The following CENPC variants were observed in gnomAD, a reference collection of about 807,000 sequenced individuals.
The protein encoded by CENPC is centromere protein C.
Under a neutral mutation model 112.1 loss-of-function variants are expected in CENPC, and 63 were observed. The ratio of observed to expected loss-of-function variants is 0.56; its 90% CI spans 0.46 to 0.69. CENPC has a LOEUF of 0.69. Ranked by LOEUF, CENPC falls within the 30% of genes least tolerant of loss-of-function variation. The pLI, the probability that CENPC is intolerant of heterozygous loss-of-function variation, is 0.00. For synonymous variants in CENPC, 333 were observed against 367.6 expected (o/e 0.91, Z 1.08); for missense variants, 1,000 against 1,103.8 (o/e 0.91, Z 1.33).
At chr4:67,540,693 A>G (rs1035886159) in intron 3 of CENPC, among the ~76,000 whole-genome samples, 2 of 152,152 alleles carry the variant, frequency 1.3e-5, no homozygotes, top group African/African-American at 4.8e-5. Flanking sequence ...ATAATAAAAT[A>G]CTTTTTCTTG....
At chr4:67,477,365 A>T (rs941944002) in intron 17 of CENPC, among the ~76,000 whole-genome samples, 8 of 152,222 alleles carry the variant, frequency 5.3e-5, no homozygotes, top group Non-Finnish European at 1.0e-4. Flanking sequence ...CTGAAGACAG[A>T]TCATATCACA....
intron 5 of CENPC, among the ~76,000 whole-genome samples, chr4:67,525,154 T>C (rs1726338807): frequency 6.6e-6 from 1 of 152,150 alleles, no homozygotes; most frequent in Non-Finnish European, 1.5e-5. Context: ...ACCCCTTCCT[T>C]ACACCTTATA....
chr4:67,531,502 C>G (rs1279203309), intron 4 of CENPC, among the ~76,000 whole-genome samples: 2 of 152,144 alleles, frequency 1.3e-5, no homozygotes, highest in Non-Finnish European at 1.5e-5. Context: ...AAGGTTGCAC[C>G]TGCTGCGCCA....
intron 17 of CENPC, among the ~76,000 whole-genome samples, chr4:67,480,474 A>G (rs975082352): frequency 6.6e-6 from 1 of 152,212 alleles, no homozygotes; most frequent in African/African-American, 2.4e-5. Flanking sequence ...TAGAAACTCT[A>G]AATAGACCAA....
In CENPC at chr4:67,493,959, T is replaced by C; in HGVS notation, c.2215A>G (p.Arg739Gly). The change falls in exon 14 of 19, where the codon AGG (arginine) becomes GGG (glycine). Residue 739 changes from arginine (R) to glycine (G), a missense_variant. Coordinates refer to ENST00000273853, the MANE Select transcript of CENPC (RefSeq NM_001812.4). ...GGTTTCAAACGTGTTCTCTTGGTCC[T>C]GCGAACATTTGGTGTGTTGGAGGGC... is the stretch of plus-strand genomic sequence containing the variant. ...VLPSNTPNVRRTKRTRLKPLE... is the reference protein window; with the variant it reads ...VLPSNTPNVRGTKRTRLKPLE... 2 of 1,611,972 alleles carry C rather than the reference T, an allele frequency of 1.2e-6. No individual in the cohort carries two copies. Among genetic ancestry groups the C allele is most frequent in the Non-Finnish European group, 1.7e-6 (2 of 1,179,024 alleles).
intron 2 of CENPC, 26 bp from the exon 3 acceptor site, chr4:67,541,076 C>G: frequency 6.7e-7 from 1 of 1,492,414 alleles, no homozygotes; most frequent in Admixed American, 1.8e-5. Context: ...TACAGCCTGT[C>G]ATTTTCAGAA....
chr4:67,480,375 C>T (rs11737057), intron 17 of CENPC, among the ~76,000 whole-genome samples: 33,934 of 152,088 alleles, frequency 0.22, 4,369 homozygotes, highest in Middle Eastern at 0.36. Flanking sequence ...GGATTCACAG[C>T]TGAATTCTAT....
intron 4 of CENPC, among the ~76,000 whole-genome samples, chr4:67,537,436 G>C (rs1026763510): frequency 2.7e-4 from 41 of 151,914 alleles, no homozygotes; most frequent in African/African-American, 9.7e-4. Flanking sequence ...CAGGAGGATT[G>C]CTTGAGCCCA....
At chr4:67,513,998 A>C (rs1042036626) in intron 8 of CENPC, 76 bp downstream of exon 8, 1 of 1,386,460 alleles carries the variant, frequency 7.2e-7, no homozygotes, top group African/African-American at 1.4e-5. Flanking sequence ...CCTACTTGCC[A>C]AAGCTAAGTT....
intron 5 of CENPC, among the ~76,000 whole-genome samples, chr4:67,524,434 C>T (rs961315109): frequency 2.0e-5 from 3 of 152,078 alleles, no homozygotes; most frequent in African/African-American, 7.2e-5. Context: ...CTTAGAAAAC[C>T]CCATCGTTTC....
intron 12 of CENPC, among the ~76,000 whole-genome samples, chr4:67,496,214 T>A (rs991535436): frequency 7.9e-5 from 12 of 152,138 alleles, no homozygotes; most frequent in African/African-American, 2.9e-4. Flanking sequence ...TCCAGCTGGG[T>A]CCAAACATGT....
intron 16 of CENPC, among the ~76,000 whole-genome samples, chr4:67,491,502 G>T (rs1175538290): frequency 7.5e-6 from 1 of 133,680 alleles, no homozygotes; most frequent in African/African-American, 2.7e-5. Flanking sequence ...GAGAGAGAGA[G>T]AGAGAGAGAG....
Position 67,495,256 on chromosome 4 carries a change from T to C in CENPC, c.2132-44A>G, listed in dbSNP as rs958956630. 1.5e-5 allele frequency: 21 copies of C among 1,447,110 alleles called. No homozygotes were observed. In the Admixed American group the frequency reaches 1.9e-4, roughly 13 times the overall value. 89.6% of individuals were successfully genotyped at this position (1,447,110 alleles called of 1,614,324 possible). On this transcript the variant is annotated intron_variant, in intron 12 of 18. Transcript: ENST00000273853. ...AATATCATAAGAAATGACTGCTAAT[T>C]CCATGTTAAATTAAAATGTGTTTCC...
rs28438912 is a variant in CENPC at position 67,490,859 on chromosome 4, T to C, written c.2516-738A>G. On this transcript the variant is annotated intron_variant, in intron 16 of 18. Transcript: ENST00000273853. Reference sequence around the variant, plus strand: ...ATAAATATATATATATATATATATATATATATATATATATATATAGAAATA... The same window carrying C: ...ATAAATATATATATATATATATATACATATATATATATATATATAGAAATA... Among the ~76,000 whole-genome samples, 8 of 20,188 alleles carry C rather than the reference T, an allele frequency of 4.0e-4. No homozygotes were observed. In the South Asian group the frequency reaches 0.014, roughly 34 times the overall value. The allele number at this position is 20,188 out of a possible 152,430, so 13.2% of individuals were successfully genotyped here. A position where few individuals can be genotyped will look rare whatever the true frequency, so the allele number is the denominator to read the frequency against.
chr4:67,494,443 CTA>C (rs557454438), intron 13 of CENPC, among the ~76,000 whole-genome samples: 1 of 152,290 alleles, frequency 6.6e-6, no homozygotes, highest in East Asian at 1.9e-4. Flanking sequence ...TTCCCTTTCC[CTA>C]CTCCTGATTC....
intron 4 of CENPC, among the ~76,000 whole-genome samples, chr4:67,534,723 T>C (rs1726665536): frequency 6.6e-6 from 1 of 152,182 alleles, no homozygotes; most frequent in African/African-American, 2.4e-5. Context: ...ATACCAATGA[T>C]GAAATGGACC....
At chr4:67,538,609 A>C (rs1336622459) in intron 4 of CENPC, among the ~76,000 whole-genome samples, 1 of 152,194 alleles carries the variant, frequency 6.6e-6, no homozygotes, top group Non-Finnish European at 1.5e-5. Flanking sequence ...TTGCAGGATA[A>C]AGTACTGGAC....
chr4:67,528,673 A>G (rs1205121359), intron 5 of CENPC, among the ~76,000 whole-genome samples: 1 of 152,208 alleles, frequency 6.6e-6, no homozygotes, highest in Non-Finnish European at 1.5e-5. Context: ...TGACTGACTA[A>G]TATTACATTC....
intron 12 of CENPC, among the ~76,000 whole-genome samples, chr4:67,498,615 A>C (rs917377038): frequency 3.3e-5 from 5 of 152,222 alleles, no homozygotes; most frequent in African/African-American, 1.2e-4. Context: ...TTCCATAAGA[A>C]GCAACTCCTC....
Sources: gnomAD v4.1 joint callset for allele counts (sites outside exome capture counted in the v4.1 genomes callset) on GRCh38, gnomAD v4.1.1 for gene constraint, MANE v1.5 for transcripts, NCBI Gene and HGNC (gene_info 2026-07-23, HGNC 2026-07-21) for gene names.